Variants in NRAP observed in about 807,000 individuals in gnomAD.
NRAP encodes nebulin related anchoring protein.
In NRAP, 189 loss-of-function variants were observed where a neutral mutation model predicts 225.9. That is an observed-to-expected ratio of 0.84 (90% CI 0.74 to 0.94). The LOEUF (loss-of-function observed/expected upper bound fraction) is 0.94. Ranked by LOEUF, NRAP falls within the 40% of genes least tolerant of loss-of-function variation. The pLI is 0.00. For synonymous variants in NRAP, 769 were observed against 790.7 expected, an observed-to-expected ratio of 0.97 and a Z score of 0.46; for missense variants, 2,176 against 2,168.7, an observed-to-expected ratio of 1.00 and a Z score of -0.07.
Position 113,614,300 on chromosome 10 carries a change from A to C in NRAP, c.3187-4T>G, listed in dbSNP as rs1847510161. 1 of 1,591,760 alleles carries C rather than the reference A, an allele frequency of 6.3e-7. No homozygotes were observed. The highest frequency in any genetic ancestry group is 1.1e-5 in the South Asian group (1 of 90,592). On this transcript the variant is annotated splice_region_variant and splice_polypyrimidine_tract_variant and intron_variant, in intron 28 of 41. Coordinates refer to ENST00000359988, the MANE Select transcript of NRAP (RefSeq NM_198060.4). Reference sequence around the variant, plus strand: ...CAAATGCCTCTTTGTATTTGTACTAAAGGGAAAGAGAGCGGGAGAGAGGAA... The same window carrying C: ...CAAATGCCTCTTTGTATTTGTACTACAGGGAAAGAGAGCGGGAGAGAGGAA...
intron 23 of NRAP, among the ~76,000 whole-genome samples, chr10:113,623,278 A>G (rs773097767): frequency 3.4e-4 from 51 of 152,224 alleles, no homozygotes; most frequent in Non-Finnish European, 5.9e-4. Context: ...AGAAATTTGG[A>G]TTCTTACTCT....
At chr10:113,663,197 C>A (rs1850798582) in intron 2 of NRAP, among the ~76,000 whole-genome samples, 155 bp downstream of exon 2, 1 of 152,146 alleles carries the variant, frequency 6.6e-6, no homozygotes, top group Admixed American at 6.5e-5. Flanking sequence ...AAAATCCCAC[C>A]TTAGGTCTCT....
intron 23 of NRAP, 74 bp from the exon 24 acceptor site, chr10:113,622,254 G>T (rs530514991): frequency 3.9e-6 from 4 of 1,017,282 alleles, no homozygotes; most frequent in Non-Finnish European, 6.0e-6. Flanking sequence ...CTCCATGCAT[G>T]GGAGCTGAAA....
intron 36 of NRAP, 40 bp from the exon 37 acceptor site, chr10:113,597,224 A>G (rs1419939734): frequency 8.0e-7 from 1 of 1,243,790 alleles, no homozygotes; most frequent in Non-Finnish European, 1.2e-6. Context: ...AACACAGTCC[A>G]ACATCATGCA....
At position 113,612,216 on chromosome 10, in the gene NRAP, G is replaced by A. The variant is rs367898382; in HGVS notation, c.3498+18C>T. ...TAAGAGAAGAAGGGGCCCTGAGAAA[G>A]AGGCCAGGTCTCCTTACCTCACTCT... On this transcript the variant is annotated intron_variant, in intron 30 of 41. Coordinates refer to ENST00000359988, the MANE Select transcript of NRAP (RefSeq NM_198060.4). The A allele has an allele frequency of 5.0e-5, 80 of 1,609,522 alleles. No homozygotes were observed. Among genetic ancestry groups the A allele is most frequent in the Non-Finnish European group, 6.6e-5 (78 of 1,176,162 alleles).
At chr10:113,647,742 C>G (rs980092553) in intron 9 of NRAP, among the ~76,000 whole-genome samples, 2 of 149,254 alleles carry the variant, frequency 1.3e-5, no homozygotes, top group Non-Finnish European at 3.0e-5. Context: ...TGTCATGTAA[C>G]CAGAAAAGGA....
Position 113,598,072 on chromosome 10 carries a change from A to G in NRAP, c.4229T>C (p.Leu1410Ser). The change falls in exon 36 of 42, where the codon TTG becomes TCG. Residue 1410 changes from leucine (L) to serine (S), a missense_variant and splice_region_variant. By Grantham distance (145) the Leu-to-Ser change is moderately radical. This residue lies in a region of NRAP where 445 missense variants were observed against 426.1 expected (regional missense o/e 1.04). Coordinates refer to ENST00000359988, the MANE Select transcript of NRAP (RefSeq NM_198060.4). The part of the protein sequence containing the change: ...AKKAHALQSE[L>S]RYKSDLIGMK... ...GCCGATCAGGTCTGACTTGTAGCGC[A>G]ACTGCAGGGAAAAAAATCATGGGCT... 2 of 1,606,360 alleles carry G rather than the reference A, an allele frequency of 1.2e-6. No homozygotes were observed. Among genetic ancestry groups the G allele is most frequent in the Non-Finnish European group, 1.7e-6 (2 of 1,173,280 alleles).
chr10:113,628,313 G>A (rs558899741), intron 20 of NRAP, among the ~76,000 whole-genome samples: 4 of 152,266 alleles, frequency 2.6e-5, no homozygotes, highest in Admixed American at 2.6e-4. Flanking sequence ...TCAGCCTCCT[G>A]AGTAGCTGGG....
At chr10:113,589,149 C>T (rs909525699) in intron 41 of NRAP, 70 bp from the exon 42 acceptor site, 3 of 1,286,560 alleles carry the variant, frequency 2.3e-6, no homozygotes, top group African/African-American at 1.5e-5. Flanking sequence ...CCGGTTCCCA[C>T]AGGACACGCT....
chr10:113,662,096 T>C (rs531963030), intron 3 of NRAP, among the ~76,000 whole-genome samples: 3 of 152,312 alleles, frequency 2.0e-5, no homozygotes, highest in East Asian at 3.9e-4. Context: ...ATCCTGTATA[T>C]TGGCTCCTAA....
intron 31 of NRAP, among the ~76,000 whole-genome samples, chr10:113,608,930 G>A (rs184407692): frequency 4.6e-5 from 7 of 152,264 alleles, no homozygotes; most frequent in Admixed American, 2.0e-4. Flanking sequence ...AGGCCAAGGC[G>A]GTGGGATCCC....
chr10:113,617,185 G>GA (rs1320279280), intron 26 of NRAP, among the ~76,000 whole-genome samples: 1 of 152,182 alleles, frequency 6.6e-6, no homozygotes, highest in Non-Finnish European at 1.5e-5. Flanking sequence ...CACCACGAAT[G>GA]AATCGGTGAG....
intron 35 of NRAP, among the ~76,000 whole-genome samples, chr10:113,599,344 T>C (rs768880236): frequency 2.0e-5 from 3 of 152,200 alleles, no homozygotes; most frequent in Non-Finnish European, 2.9e-5. Context: ...CAAAACCCCA[T>C]GTCAGTAAGA....
Position 113,614,848 on chromosome 10 carries a change from G to T in NRAP, c.3177C>A (p.Ile1059=), listed in dbSNP as rs1299349469. The change falls in exon 28 of 42, where the codon ATC becomes ATA. Residue 1059 remains isoleucine (I), a synonymous_variant. Transcript: ENST00000359988. ...GGGGGTGAATGCTCACATCACTTAT[G>T]ATTTCACCAGAAGCCTTTGCTGCTT... ...PFQAAKASGE[I]ISDYKYKEAF... is the part of the protein sequence containing the mutation. 3 of 1,593,818 alleles carry T rather than the reference G, an allele frequency of 1.9e-6. No individual in the cohort carries two copies. The African/African-American group carries it at 4.0e-5, about 21-fold the overall frequency.
chr10:113,650,296 G>A, intron 8 of NRAP, 142 bp downstream of exon 8: 1 of 779,558 alleles, frequency 1.3e-6, no homozygotes, highest in South Asian at 1.6e-5. Flanking sequence ...ATTGTCATTG[G>A]TAAAATTGAC....
intron 35 of NRAP, among the ~76,000 whole-genome samples, chr10:113,603,131 C>T (rs540999125): frequency 1.4e-4 from 22 of 152,312 alleles, no homozygotes; most frequent in South Asian, 6.2e-4. Flanking sequence ...GGATGTGAGA[C>T]GCAGTGCCTG....
chr10:113,620,466 C>T, intron 25 of NRAP, 138 bp downstream of exon 25: 1 of 648,184 alleles, frequency 1.5e-6, no homozygotes, highest in South Asian at 1.9e-5. Flanking sequence ...TAATTACCAG[C>T]CCTAGTCTGG....
rs917778458 is a variant in NRAP at position 113,592,106 on chromosome 10, C to T, written c.4644+88G>A. 6 of 654,404 alleles carry T rather than the reference C, an allele frequency of 9.2e-6. No individual in the cohort carries two copies. The African/African-American group carries it at 1.1e-4, about 12-fold the overall frequency. The allele number at this position is 654,404 out of a possible 1,614,324, so 40.5% of individuals were successfully genotyped here. A position where few individuals can be genotyped will look rare whatever the true frequency, so the allele number is the denominator to read the frequency against. ...GGTGCAGAGAGAGAGATAATCTTGACAGGTCCTGGTGGTTTGCCTTTCAAC... is the reference window on the plus strand; with the variant it reads ...GGTGCAGAGAGAGAGATAATCTTGATAGGTCCTGGTGGTTTGCCTTTCAAC... On this transcript the variant is annotated intron_variant, in intron 39 of 41. Coordinates refer to ENST00000359988, the MANE Select transcript of NRAP (RefSeq NM_198060.4).
At chr10:113,605,071 A>G in intron 34 of NRAP, 151 bp from the exon 35 acceptor site, 1 of 721,412 alleles carries the variant, frequency 1.4e-6, no homozygotes, top group East Asian at 2.7e-5. Flanking sequence ...CTGGGGGATG[A>G]ACAATTAAAA....
Sources: allele counts gnomAD v4.1 joint callset (sites outside exome capture counted in the v4.1 genomes callset), GRCh38; gene constraint gnomAD v4.1.1; regional missense constraint gnomAD v4.1.1; transcripts MANE v1.5; gene names NCBI Gene and HGNC (gene_info 2026-07-23, HGNC 2026-07-21).